The following PIEZO2 variants were observed in gnomAD, a reference collection of about 807,000 sequenced individuals.
The protein encoded by PIEZO2 is piezo-type mechanosensitive ion channel component 2.
PIEZO2 carries 172 observed loss-of-function variants against 337.3 expected under a neutral mutation model. The ratio of observed to expected loss-of-function variants is 0.51; its 90% CI spans 0.45 to 0.58. The LOEUF (loss-of-function observed/expected upper bound fraction) is 0.58. Among genes scored for constraint, PIEZO2 ranks in the 20% least tolerant of loss-of-function variants. The pLI, the probability that PIEZO2 is intolerant of heterozygous loss-of-function variation, is 0.00. For synonymous variants in PIEZO2, 1,251 were observed against 1,228.5 expected (o/e 1.02, Z -0.38); for missense variants, 3,028 against 3,391.3 (o/e 0.89, Z 2.66).
rs1482884792 is a variant in PIEZO2 at position 10,861,827 on chromosome 18, G to A, written c.493-4616C>T. 2.0e-5 allele frequency among the ~76,000 whole-genome samples: 3 copies of A among 152,162 alleles called. No homozygotes were observed. Among genetic ancestry groups the A allele is most frequent in the African/African-American group, 7.2e-5 (3 of 41,442 alleles). On this transcript the variant is annotated intron_variant, in intron 5 of 55. Transcript: ENST00000674853. This position sits in a 1 kb window ranked among gnomAD's most constrained non-coding sequence, Gnocchi z 4.3. ...GAGGTCAGGAGATCGAGACCTGCCT[G>A]GACAACATGGTGAAACCTTGTCTGT... is the stretch of plus-strand genomic sequence containing the variant.
At chr18:11,095,965 G>A (rs756002099) in intron 1 of PIEZO2, among the ~76,000 whole-genome samples, 3 of 152,204 alleles carry the variant, frequency 2.0e-5, no homozygotes, top group Non-Finnish European at 2.9e-5. Flanking sequence ...TGCTGTCAGG[G>A]AGAAATATCA....
chr18:10,733,936 A>G (rs1347202661), intron 35 of PIEZO2, among the ~76,000 whole-genome samples: 7 of 152,356 alleles, frequency 4.6e-5, no homozygotes, highest in Admixed American at 1.3e-4. Flanking sequence ...AAATTTTACC[A>G]TATATATCAG....
At chr18:11,067,488 G>T (rs758757936) in intron 1 of PIEZO2, among the ~76,000 whole-genome samples, 10 of 152,128 alleles carry the variant, frequency 6.6e-5, no homozygotes, top group Non-Finnish European at 1.3e-4. Context: ...TATGCTGCCT[G>T]CAAGAAACTC....
intron 3 of PIEZO2, among the ~76,000 whole-genome samples, chr18:10,955,632 T>A (rs943583104): frequency 2.0e-5 from 3 of 152,244 alleles, no homozygotes; most frequent in African/African-American, 7.2e-5. Context: ...GAACATCTGC[T>A]AACACAGGGG....
chr18:11,059,164 T>A (rs1240652379), intron 2 of PIEZO2, among the ~76,000 whole-genome samples: 2 of 152,158 alleles, frequency 1.3e-5, no homozygotes, highest in East Asian at 3.8e-4. Flanking sequence ...CTAAGCTTCA[T>A]AAGTGAAGGA....
chr18:10,936,816 TGCAGACAAA>T (rs2032427866), intron 3 of PIEZO2, among the ~76,000 whole-genome samples: 2 of 152,224 alleles, frequency 1.3e-5, no homozygotes, highest in Admixed American at 1.3e-4. Context: ...TGTGGGACTG[TGCAGACAAA>T]CCAACAAGTG....
At chr18:10,808,981 T>C (rs2040088879) in intron 7 of PIEZO2, among the ~76,000 whole-genome samples, 1 of 152,206 alleles carries the variant, frequency 6.6e-6, no homozygotes, top group African/African-American at 2.4e-5. Flanking sequence ...ATACAGAATT[T>C]TAATTGTAAT....
At chr18:11,098,781 T>G (rs1454015533) in intron 1 of PIEZO2, among the ~76,000 whole-genome samples, 3 of 151,942 alleles carry the variant, frequency 2.0e-5, no homozygotes, top group Non-Finnish European at 4.4e-5. Context: ...TTAAATTTAT[T>G]TATTTATTTT....
chr18:10,784,833 G>A lies in PIEZO2; in HGVS notation c.2443C>T (p.Leu815Phe). ...CTGGGAATGGACTTGAGGTCTGTGA[G>A]TTCAAGGAACCGGTCATGGAAGTAG... ...LHYFHDRFLE[L>F]TDLKSIPSKE... is the part of the protein sequence containing the mutation. The change falls in exon 17 of 56, where the codon CTC becomes TTC. Residue 815 changes from leucine (L) to phenylalanine (F), a missense_variant. Physicochemically the swap from Leu to Phe is conservative, Grantham distance 22. This residue lies in a region of PIEZO2 where 1,925 missense variants were observed against 2,051.9 expected (regional missense o/e 0.94). Transcript: ENST00000674853. This position sits in a 1 kb window ranked among gnomAD's most constrained non-coding sequence, Gnocchi z 4.5. 1.3e-6 allele frequency: 2 copies of A among 1,537,756 alleles called. No homozygotes were observed. Among genetic ancestry groups the A allele is most frequent in the Non-Finnish European group, 1.7e-6 (2 of 1,146,972 alleles).
At chr18:10,989,645 C>T (rs963327154) in intron 2 of PIEZO2, among the ~76,000 whole-genome samples, 12 of 151,968 alleles carry the variant, frequency 7.9e-5, no homozygotes, top group African/African-American at 2.9e-4. Flanking sequence ...TGTGTGTCAA[C>T]AAGAGGAAGA....
At chr18:10,865,211 A>G (rs2041974069) in intron 5 of PIEZO2, among the ~76,000 whole-genome samples, 1 of 152,250 alleles carries the variant, frequency 6.6e-6, no homozygotes, top group Non-Finnish European at 1.5e-5. Flanking sequence ...CATGAGCATC[A>G]AGGTCAAGAG....
At position 10,837,682 on chromosome 18, in the gene PIEZO2, T is replaced by C. The variant is rs2041059940; in HGVS notation, c.917+17671A>G. On this transcript the variant is annotated intron_variant, in intron 7 of 55. Coordinates refer to ENST00000674853, the MANE Select transcript of PIEZO2 (RefSeq NM_001378183.1). The surrounding 1 kb of genome is among the most constrained non-coding windows in gnomAD (Gnocchi z 4.4). Reference sequence around the variant, plus strand: ...ACAAAGACATACCATCAAAAAGGCATGGGTAGTCAGATATCCTCACAAAGC... The same window carrying C: ...ACAAAGACATACCATCAAAAAGGCACGGGTAGTCAGATATCCTCACAAAGC... Among the ~76,000 whole-genome samples, 2 of 152,212 alleles carry C rather than the reference T, an allele frequency of 1.3e-5. No individual in the cohort carries two copies. The highest frequency in any genetic ancestry group is 2.9e-5 in the Non-Finnish European group (2 of 68,046).
At position 10,945,744 on chromosome 18, in the gene PIEZO2, T is replaced by C. The variant is rs116084057; in HGVS notation, c.286+33791A>G. ...CCAGAACTGCCAAAGGTGTTCAAAT[T>C]GGAAGGCAAGAAAATAAAAAGTTAT... On this transcript the variant is annotated intron_variant, in intron 3 of 55. Coordinates refer to ENST00000674853, the MANE Select transcript of PIEZO2 (RefSeq NM_001378183.1). This position sits in a 1 kb window ranked among gnomAD's most constrained non-coding sequence, Gnocchi z 4.0. 9.9e-3 allele frequency among the ~76,000 whole-genome samples: 1,510 copies of C among 152,256 alleles called. 30 individuals carry two copies. Among genetic ancestry groups the C allele is most frequent in the African/African-American group, 0.034 (1,411 of 41,538 alleles).
In PIEZO2 at chr18:11,048,537, T is replaced by C. The variant is rs1234922683; in HGVS notation, c.160+17590A>G. Among the ~76,000 whole-genome samples, 1 of 152,252 alleles carries C rather than the reference T, an allele frequency of 6.6e-6. No individual in the cohort carries two copies. The highest frequency in any genetic ancestry group is 6.5e-5 in the Admixed American group (1 of 15,286). ...CATGTTGGAAGGCAAGTGCCCAACA[T>C]GCATAATCTCTACATTTATCTTCCC... On this transcript the variant is annotated intron_variant, in intron 2 of 55. Coordinates refer to ENST00000674853, the MANE Select transcript of PIEZO2 (RefSeq NM_001378183.1). This position sits in a 1 kb window ranked among gnomAD's most constrained non-coding sequence, Gnocchi z 4.5.
intron 9 of PIEZO2, among the ~76,000 whole-genome samples, chr18:10,803,239 T>A (rs1003263409): frequency 5.9e-5 from 9 of 152,224 alleles, no homozygotes; most frequent in Admixed American, 5.9e-4. Context: ...GGTATCGAAC[T>A]CTACCAAATA....
At position 10,922,768 on chromosome 18, in the gene PIEZO2, G is replaced by A. The variant is rs137941675; in HGVS notation, c.287-11540C>T. On this transcript the variant is annotated intron_variant, in intron 3 of 55. Coordinates refer to ENST00000674853, the MANE Select transcript of PIEZO2 (RefSeq NM_001378183.1). ...GCATGGAGAGGCAAGCTGGCTGACC[G>A]TATTTACATAAATGCAGTTATTACA... Among the ~76,000 whole-genome samples, 170 of 152,170 alleles carry A rather than the reference G, an allele frequency of 1.1e-3. 1 individual carries two copies. The highest frequency in any genetic ancestry group is 4.0e-3 in the African/African-American group (166 of 41,532).
intron 1 of PIEZO2, among the ~76,000 whole-genome samples, chr18:11,086,757 G>GT (rs2038929380): frequency 1.9e-5 from 2 of 103,682 alleles, no homozygotes; most frequent in Admixed American, 1.8e-4. Flanking sequence ...AATAATTTCG[G>GT]GTTTTTTTTT....
Position 11,048,856 on chromosome 18 carries a change from T to C in PIEZO2, c.160+17271A>G, listed in dbSNP as rs1247573097. 2.6e-5 allele frequency among the ~76,000 whole-genome samples: 4 copies of C among 152,218 alleles called. No homozygotes were observed. Among genetic ancestry groups the C allele is most frequent in the Non-Finnish European group, 2.9e-5 (2 of 68,034 alleles). On this transcript the variant is annotated intron_variant, in intron 2 of 55. Transcript: ENST00000674853. The surrounding 1 kb of genome is among the most constrained non-coding windows in gnomAD (Gnocchi z 4.5). ...TCCTGTTTATTCTTCTTATAATTAA[T>C]AATCTGCACTTTTTGAAAGTTAAAT...
intron 4 of PIEZO2, among the ~76,000 whole-genome samples, chr18:10,879,419 G>A (rs1300172308): frequency 4.6e-5 from 5 of 107,950 alleles, no homozygotes; most frequent in Admixed American, 1.4e-4. Context: ...TTTTTGAGAC[G>A]GAGTCTTGCG....
Sources: gnomAD v4.1 joint callset for allele counts (sites outside exome capture counted in the v4.1 genomes callset) on GRCh38, gnomAD v4.1.1 for gene constraint, gnomAD v4.1.1 regional missense constraint, Gnocchi (gnomAD v3.1) non-coding constraint, MANE v1.5 for transcripts, NCBI Gene and HGNC (gene_info 2026-07-23, HGNC 2026-07-21) for gene names.